The following PEMT variants were observed in gnomAD, a reference collection of about 807,000 sequenced individuals.
PEMT encodes phosphatidylethanolamine N-methyltransferase.
PEMT carries 23 observed loss-of-function variants against 27.4 expected under a neutral mutation model. The ratio of observed to expected loss-of-function variants is 0.84; its 90% CI spans 0.60 to 1.19. The LOEUF is 1.19. PEMT is among the 50% of genes most tolerant of loss of function. The pLI, the probability that PEMT is intolerant of heterozygous loss-of-function variation, is 0.00. For synonymous variants in PEMT, 137 were observed against 139.1 expected (o/e 0.98, Z 0.11); for missense variants, 307 against 310.1 (o/e 0.99, Z 0.07).
At chr17:17,529,142 C>T (rs16961845) in intron 2 of PEMT, among the ~76,000 whole-genome samples, 20,070 of 152,240 alleles carry the variant, frequency 0.13, 2,376 homozygotes, top group African/African-American at 0.32. Context: ...CATATATGAA[C>T]AGGCGGCTCT....
chr17:17,591,952 G>A, upstream of PEMT: 1 of 985,434 alleles, frequency 1.0e-6, no homozygotes, highest in Non-Finnish European at 1.2e-6. Flanking sequence ...TGCCGCACCC[G>A]AGCCTGTAAC....
chr17:17,553,674 C>T (rs1331924667), intron 2 of PEMT, among the ~76,000 whole-genome samples: 1 of 152,240 alleles, frequency 6.6e-6, no homozygotes, highest in Non-Finnish European at 1.5e-5. Context: ...GTGGCCTTCT[C>T]GCAGGACAGC....
intron 1 of PEMT, among the ~76,000 whole-genome samples, chr17:17,585,158 T>C (rs548055966): frequency 6.6e-6 from 1 of 152,180 alleles, no homozygotes; most frequent in South Asian, 2.1e-4. Flanking sequence ...GCCGATATGG[T>C]GAAACCCCGT....
chr17:17,560,321 C>T (rs909317458), intron 2 of PEMT, among the ~76,000 whole-genome samples: 18 of 152,156 alleles, frequency 1.2e-4, no homozygotes, highest in South Asian at 4.1e-4. Context: ...CAGGAGCAGA[C>T]ACCAAGGGGC....
chr17:17,542,096 T>A (rs1341034394), intron 2 of PEMT, among the ~76,000 whole-genome samples: 1 of 152,248 alleles, frequency 6.6e-6, no homozygotes, highest in African/African-American at 2.4e-5. Flanking sequence ...TTCTCCTGCC[T>A]CAGCCTCCCA....
intron 1 of PEMT, among the ~76,000 whole-genome samples, chr17:17,588,607 C>T (rs1259210175): frequency 1.3e-5 from 2 of 152,208 alleles, no homozygotes; most frequent in Non-Finnish European, 2.9e-5. Context: ...GACATCATCA[C>T]TCACCCGCTC....
chr17:17,517,430 C>T (rs535608977), intron 3 of PEMT, among the ~76,000 whole-genome samples: 3 of 152,120 alleles, frequency 2.0e-5, no homozygotes, highest in Non-Finnish European at 2.9e-5. Context: ...ATTGCTCCAT[C>T]GGAAGCAAAC....
chr17:17,521,121 A>G (rs980183990), intron 3 of PEMT, among the ~76,000 whole-genome samples: 5 of 152,220 alleles, frequency 3.3e-5, no homozygotes, highest in African/African-American at 1.2e-4. Flanking sequence ...CGCCCCATCC[A>G]AAGGGGGCAG....
In PEMT at chr17:17,513,989, C is replaced by T. The variant is rs1000175189; in HGVS notation, c.321-1335G>A. The stretch of plus-strand genomic sequence containing the variant: ...CCAGCTTACCATCCACCCCACCACC[C>T]ATCCTTCCTCCATCCATCTATCCTC... On this transcript the variant is annotated intron_variant, in intron 3 of 6. Coordinates refer to ENST00000255389, the MANE Select transcript of PEMT (RefSeq NM_148172.3). This position sits in a 1 kb window ranked among gnomAD's most constrained non-coding sequence, Gnocchi z 4.1. Among the ~76,000 whole-genome samples, 1 of 152,182 alleles carries T rather than the reference C, an allele frequency of 6.6e-6. No homozygotes were observed. The highest frequency in any genetic ancestry group is 2.4e-5 in the African/African-American group (1 of 41,440).
At chr17:17,515,900 G>A (rs1321079208) in intron 3 of PEMT, among the ~76,000 whole-genome samples, 2 of 152,156 alleles carry the variant, frequency 1.3e-5, no homozygotes, top group African/African-American at 4.8e-5. Context: ...GTGATTTGAG[G>A]CTGTCTGCAC....
At chr17:17,584,033 C>T (rs1912111627) in intron 1 of PEMT, among the ~76,000 whole-genome samples, 3 of 152,240 alleles carry the variant, frequency 2.0e-5, no homozygotes, top group African/African-American at 4.8e-5. Context: ...TGACAGCTCA[C>T]GTGCTCCAGC....
chr17:17,534,189 A>G (rs1401206934), intron 2 of PEMT, among the ~76,000 whole-genome samples: 3 of 152,214 alleles, frequency 2.0e-5, no homozygotes, highest in South Asian at 2.1e-4. Flanking sequence ...CCTGGAGACA[A>G]TCCAAATGTC....
At chr17:17,553,329 G>A (rs4646379) in intron 2 of PEMT, among the ~76,000 whole-genome samples, 9,102 of 152,278 alleles carry the variant, frequency 0.06, 383 homozygotes, top group East Asian at 0.14. Flanking sequence ...ACTTGGCTGC[G>A]GGGATGCAGG....
In PEMT at chr17:17,523,138, G is replaced by A. The variant is rs1907412278; in HGVS notation, c.205-743C>T. Among the ~76,000 whole-genome samples, 1 of 152,222 alleles carries A rather than the reference G, an allele frequency of 6.6e-6. No individual in the cohort carries two copies. On this transcript the variant is annotated intron_variant, in intron 2 of 6. Coordinates refer to ENST00000255389, the MANE Select transcript of PEMT (RefSeq NM_148172.3). This position sits in a 1 kb window ranked among gnomAD's most constrained non-coding sequence, Gnocchi z 4.8. ...GGGCCTGGCCCAGCACACTGAGGAA[G>A]GAACGGAGAGGAGGGGAGGGGGCAA... is the stretch of plus-strand genomic sequence containing the variant.
intron 1 of PEMT, 36 bp downstream of exon 1, chr17:17,591,495 C>T (rs1197584329): frequency 2.6e-6 from 4 of 1,544,538 alleles, no homozygotes; most frequent in Non-Finnish European, 3.6e-6. Flanking sequence ...GCAGATCCCT[C>T]TCCCAGTTTC....
chr17:17,509,735 C>T (rs578048939), intron 4 of PEMT, among the ~76,000 whole-genome samples, 190 bp from the exon 5 acceptor site: 7 of 152,148 alleles, frequency 4.6e-5, no homozygotes, highest in South Asian at 2.1e-4. Context: ...CAGCAGAGGG[C>T]GTGGGGCCTA....
intron 2 of PEMT, among the ~76,000 whole-genome samples, chr17:17,524,572 T>A (rs1190597691): frequency 6.8e-6 from 1 of 147,750 alleles, no homozygotes; most frequent in African/African-American, 2.5e-5. Flanking sequence ...AAGACCAGCC[T>A]GGGAGACATA....
At chr17:17,522,503 T>C in intron 2 of PEMT, 108 bp from the exon 3 acceptor site, 1 of 725,076 alleles carries the variant, frequency 1.4e-6, no homozygotes, top group South Asian at 1.6e-5. Context: ...AGCCCCCATT[T>C]CCAAAGAAGA....
intron 2 of PEMT, among the ~76,000 whole-genome samples, chr17:17,536,585 A>T (rs1332166384): frequency 6.6e-6 from 1 of 152,188 alleles, no homozygotes; most frequent in Non-Finnish European, 1.5e-5. Context: ...CAAGGAACAG[A>T]CCAGCAAAGG....
Sources: gnomAD v4.1 joint callset for allele counts (sites outside exome capture counted in the v4.1 genomes callset) on GRCh38, gnomAD v4.1.1 for gene constraint, Gnocchi (gnomAD v3.1) non-coding constraint, MANE v1.5 for transcripts, NCBI Gene and HGNC (gene_info 2026-07-23, HGNC 2026-07-21) for gene names.